The following C12orf42 variants were observed in gnomAD, a reference collection of about 807,000 sequenced individuals.
C12orf42 encodes uncharacterized protein C12orf42.
Under a neutral mutation model 21.6 loss-of-function variants are expected in C12orf42, and 25 were observed. The observed-to-expected ratio is 1.16, with a 90% confidence interval of 0.84 to 1.62. The LOEUF (loss-of-function observed/expected upper bound fraction) is 1.62, where lower values mean the gene tolerates loss of function less well. Ranked by LOEUF, C12orf42 falls within the 40% of genes most tolerant of loss-of-function variation. C12orf42 has a pLI of 0.00. For missense variants in C12orf42, 483 were observed against 459.3 expected (o/e 1.05, Z -0.47); for synonymous variants, 174 against 175.0 (o/e 0.99, Z 0.05).
At chr12:103,192,707 A>G in the C12orf42 span, among the ~76,000 whole-genome samples, 2 of 152,206 alleles carry the variant, frequency 1.3e-5, no homozygotes, top group Admixed American at 6.5e-5. Context: ...AACTATCAAT[A>G]TATTTTTATC....
the C12orf42 span, among the ~76,000 whole-genome samples, chr12:103,538,367 C>T: frequency 1.3e-5 from 2 of 152,146 alleles, no homozygotes; most frequent in Non-Finnish European, 2.9e-5. Context: ...ATACTGTTTA[C>T]ATTTTATTTT....
chr12:103,301,872 A>C, downstream of C12orf42: 1 of 509,586 alleles, frequency 2.0e-6, no homozygotes, highest in East Asian at 3.5e-5. Context: ...GTGAGGCACA[A>C]ATTCTTTGTA....
chr12:103,132,279 C>T, the C12orf42 span, among the ~76,000 whole-genome samples: 1 of 152,036 alleles, frequency 6.6e-6, no homozygotes, highest in Non-Finnish European at 1.5e-5. Flanking sequence ...ACACCTAAAG[C>T]AATGAAGGAG....
chr12:103,202,147 G>T, the C12orf42 span, among the ~76,000 whole-genome samples: 7,622 of 152,226 alleles, frequency 0.05, 334 homozygotes, highest in East Asian at 0.25. Flanking sequence ...ACGATTTCCT[G>T]TGGAGTACTG....
the C12orf42 span, among the ~76,000 whole-genome samples, chr12:103,536,088 A>G: frequency 6.6e-6 from 1 of 152,228 alleles, no homozygotes. Flanking sequence ...GCTGATAATA[A>G]GGAATTGTAA....
At chr12:103,143,578 C>T in the C12orf42 span, among the ~76,000 whole-genome samples, 83 of 152,292 alleles carry the variant, frequency 5.5e-4, no homozygotes, top group Admixed American at 9.2e-4. Context: ...TTTTTGCAGA[C>T]TCATGGCAGA....
chr12:103,401,724 A>G (rs1456457988), intron 2 of C12orf42, 49 bp from the exon 3 acceptor site: 2 of 1,540,090 alleles, frequency 1.3e-6, no homozygotes, highest in Non-Finnish European at 1.8e-6. Flanking sequence ...TAATTCTTAC[A>G]AAGAAACATT....
intron 4 of C12orf42, among the ~76,000 whole-genome samples, chr12:103,278,738 C>T (rs2035927964): frequency 6.6e-6 from 1 of 152,216 alleles, no homozygotes; most frequent in Non-Finnish European, 1.5e-5. Context: ...AGTGGGGAAA[C>T]TCACTCAGTA....
intron 5 of C12orf42, among the ~76,000 whole-genome samples, chr12:103,303,121 TCACA>T (rs1314818631): frequency 6.6e-6 from 1 of 152,148 alleles, no homozygotes; most frequent in African/African-American, 2.4e-5. Flanking sequence ...TGGGTCTACA[TCACA>T]CACACATATC....
intron 4 of C12orf42, among the ~76,000 whole-genome samples, chr12:103,337,397 C>T (rs928678333): frequency 6.6e-6 from 1 of 152,186 alleles, no homozygotes; most frequent in Non-Finnish European, 1.5e-5. Flanking sequence ...TGTTGCCAGG[C>T]TGGAGTGCAC....
chr12:103,410,303 C>T (rs1445526790), intron 2 of C12orf42, among the ~76,000 whole-genome samples: 1 of 152,160 alleles, frequency 6.6e-6, no homozygotes, highest in African/African-American at 2.4e-5. Context: ...AATGTTAATC[C>T]TGCTTCTCCA....
intron 2 of C12orf42, among the ~76,000 whole-genome samples, chr12:103,421,187 C>A (rs926100468): frequency 1.3e-5 from 2 of 151,418 alleles, no homozygotes; most frequent in Non-Finnish European, 2.9e-5. Flanking sequence ...GGGCTAATGA[C>A]AAGGGAGAAA....
At chr12:103,055,017 G>T in the C12orf42 span, among the ~76,000 whole-genome samples, 1 of 151,572 alleles carries the variant, frequency 6.6e-6, no homozygotes, top group African/African-American at 2.4e-5. Flanking sequence ...AAGGGCTATT[G>T]GTCTATAGTT....
Position 103,400,119 on chromosome 12 carries a change from A to C in C12orf42, c.147+1488T>G, listed in dbSNP as rs780964885. Among the ~76,000 whole-genome samples the C allele has an allele frequency of 2.6e-4, 39 of 152,148 alleles. 1 individual carries two copies. Among genetic ancestry groups the C allele is most frequent in the Non-Finnish European group, 2.4e-4 (16 of 68,010 alleles). Reference sequence around the variant, plus strand: ...CACAAAAACACAGAGAGGAAGAGAGAGAGAAGAAAGAGAGAGGAAGGGATG... The same window carrying C: ...CACAAAAACACAGAGAGGAAGAGAGCGAGAAGAAAGAGAGAGGAAGGGATG... On this transcript the variant is annotated intron_variant, in intron 3 of 5. Transcript: ENST00000548883.
At chr12:103,470,607 G>A (rs568596139) in intron 2 of C12orf42, among the ~76,000 whole-genome samples, 24 of 152,294 alleles carry the variant, frequency 1.6e-4, no homozygotes, top group South Asian at 6.2e-4. Flanking sequence ...GTTTGTGACT[G>A]CTTTGACCAA....
the C12orf42 span, among the ~76,000 whole-genome samples, chr12:103,135,903 T>C: frequency 2.0e-5 from 3 of 152,192 alleles, no homozygotes; most frequent in East Asian, 5.8e-4. Flanking sequence ...TGGTGGAACA[T>C]ACTTTAGCAT....
At chr12:103,064,478 A>G in the C12orf42 span, among the ~76,000 whole-genome samples, 1 of 152,240 alleles carries the variant, frequency 6.6e-6, no homozygotes, top group Non-Finnish European at 1.5e-5. Context: ...CAGGAAGCCT[A>G]CTGTATTCCT....
intron 4 of C12orf42, among the ~76,000 whole-genome samples, chr12:103,359,560 T>C (rs2043900957): frequency 6.6e-6 from 1 of 152,118 alleles, no homozygotes; most frequent in African/African-American, 2.4e-5. Flanking sequence ...TTACATGTTG[T>C]ATAGTTTCAT....
the C12orf42 span, among the ~76,000 whole-genome samples, chr12:103,172,182 G>A: frequency 6.6e-6 from 1 of 152,054 alleles, no homozygotes. Flanking sequence ...CAGGTCTCCT[G>A]CTTTCATAAA....
Sources: allele counts gnomAD v4.1 joint callset (sites outside exome capture counted in the v4.1 genomes callset), GRCh38; gene constraint gnomAD v4.1.1; transcripts MANE v1.5; gene names NCBI Gene and HGNC (gene_info 2026-07-23, HGNC 2026-07-21).